The following SINHCAF variants were observed in gnomAD, a reference collection of about 807,000 sequenced individuals.
SINHCAF encodes the protein SIN3-HDAC complex-associated factor.
SINHCAF carries 3 observed loss-of-function variants against 25.8 expected under a neutral mutation model. That is an observed-to-expected ratio of 0.12 (90% CI 0.05 to 0.30). SINHCAF has a LOEUF of 0.30. SINHCAF is among the 10% of genes least tolerant of loss of function. The probability of loss-of-function intolerance (pLI) is 1.00; values close to 1 mark genes in which losing one functional copy is unlikely to be tolerated. For synonymous variants in SINHCAF, 70 were observed against 85.5 expected (o/e 0.82, Z 1.00); for missense variants, 121 against 262.3 (o/e 0.46, Z 3.72).
At chr12:31,306,247 G>C (rs1939021884) in intron 1 of SINHCAF, among the ~76,000 whole-genome samples, 1 of 152,134 alleles carries the variant, frequency 6.6e-6, no homozygotes, top group South Asian at 2.1e-4. Flanking sequence ...AAAAGGTCTA[G>C]GTAGAAAAAG....
At chr12:31,310,040 T>C (rs1939203719) in intron 1 of SINHCAF, among the ~76,000 whole-genome samples, 2 of 152,122 alleles carry the variant, frequency 1.3e-5, no homozygotes, top group Non-Finnish European at 1.5e-5. Flanking sequence ...CAGCAACATT[T>C]CCCACTTTAA....
At chr12:31,314,109 G>A (rs1374733100) in intron 1 of SINHCAF, among the ~76,000 whole-genome samples, 4 of 152,106 alleles carry the variant, frequency 2.6e-5, no homozygotes, top group Non-Finnish European at 4.4e-5. Flanking sequence ...AGGGTAGGTG[G>A]AAGGACAACA....
intron 1 of SINHCAF, among the ~76,000 whole-genome samples, chr12:31,302,500 G>T (rs753253062): frequency 3.3e-5 from 5 of 149,432 alleles, no homozygotes; most frequent in African/African-American, 5.0e-5. Flanking sequence ...AACCCAAATT[G>T]AGAGACCAAG....
At chr12:31,295,654 G>A (rs904673723) in intron 2 of SINHCAF, among the ~76,000 whole-genome samples, 10 of 152,272 alleles carry the variant, frequency 6.6e-5, no homozygotes, top group African/African-American at 2.4e-4. Flanking sequence ...TGGATCACTT[G>A]AGGTCAGGAG....
rs749338462 is a variant in SINHCAF at position 31,315,169 on chromosome 12, C to T, written c.-21+10855G>A. Among the ~76,000 whole-genome samples, 8 of 152,020 alleles carry T rather than the reference C, an allele frequency of 5.3e-5. No individual in the cohort carries two copies. The East Asian group carries it at 5.8e-4, about 11-fold the overall frequency. ...TATTTTTTAAACAGGAAAATATGTG[C>T]GGTATGGTGAAGCAATAGTTGAGAA... On this transcript the variant is annotated intron_variant, in intron 1 of 5. Coordinates refer to ENST00000337682, the MANE Select transcript of SINHCAF (RefSeq NM_001135812.2).
intron 1 of SINHCAF, chr12:31,303,767 T>C (rs1938903002): frequency 6.6e-6 from 1 of 152,246 alleles, no homozygotes; most frequent in African/African-American, 2.4e-5. Context: ...ACGTGTGAGA[T>C]GTGCCTCCCT....
intron 1 of SINHCAF, among the ~76,000 whole-genome samples, chr12:31,302,473 C>T (rs1938841182): frequency 6.9e-6 from 1 of 145,556 alleles, no homozygotes; most frequent in Non-Finnish European, 1.5e-5. Flanking sequence ...GGATGCCAGT[C>T]TCATACTAGC....
chr12:31,307,566 G>C (rs1358947751), intron 1 of SINHCAF, among the ~76,000 whole-genome samples: 1 of 152,004 alleles, frequency 6.6e-6, no homozygotes, highest in East Asian at 1.9e-4. Context: ...AAAAGAGAGA[G>C]AGAGAGAGAG....
At chr12:31,287,258 T>C (rs553377295) in intron 5 of SINHCAF, among the ~76,000 whole-genome samples, 1 of 152,344 alleles carries the variant, frequency 6.6e-6, no homozygotes, top group South Asian at 2.1e-4. Context: ...TACCTAAGTC[T>C]CTTTTCTCTT....
Position 31,324,743 on chromosome 12 carries a change from G to A in SINHCAF, c.-21+1281C>T, listed in dbSNP as rs1433018975. ...GGCCGGACACTGGACGATCACCCTGGGTAGGGGTCCGGACCCCGCGCCCCG... is the reference window on the plus strand; with the variant it reads ...GGCCGGACACTGGACGATCACCCTGAGTAGGGGTCCGGACCCCGCGCCCCG... On this transcript the variant is annotated intron_variant, in intron 1 of 5. Transcript: ENST00000337682. The surrounding 1 kb of genome is among the most constrained non-coding windows in gnomAD (Gnocchi z 5.5). The A allele has an allele frequency of 5.7e-6, 2 of 351,932 alleles. No individual in the cohort carries two copies. The highest frequency in any genetic ancestry group is 1.1e-5 in the Non-Finnish European group (2 of 176,546). 21.8% of individuals were successfully genotyped at this position (351,932 alleles called of 1,614,324 possible).
In SINHCAF at chr12:31,281,915, T is replaced by G. The variant is rs1161088568; in HGVS notation, c.*797A>C. 4 of 152,382 alleles carry G rather than the reference T, an allele frequency of 2.6e-5. No individual in the cohort carries two copies. The highest frequency in any genetic ancestry group is 5.9e-5 in the Non-Finnish European group (4 of 68,036). 9.4% of individuals were successfully genotyped at this position (152,382 alleles called of 1,614,324 possible). A position where few individuals can be genotyped will look rare whatever the true frequency, so the allele number is the denominator to read the frequency against. ...CTCCAAGGTATTTGCAACAGAAAGC[T>G]CAGTCTGTCCTGCTTAATAATCAGT... On this transcript the variant is annotated 3_prime_UTR_variant, in exon 6 of 6. Coordinates refer to ENST00000337682, the MANE Select transcript of SINHCAF (RefSeq NM_001135812.2).
chr12:31,297,730 C>T (rs1473951834), intron 2 of SINHCAF, among the ~76,000 whole-genome samples: 1 of 151,940 alleles, frequency 6.6e-6, no homozygotes, highest in African/African-American at 2.4e-5. Flanking sequence ...CTCGGCCTCC[C>T]AAAATGCTCT....
At chr12:31,316,672 C>T (rs890038355) in intron 1 of SINHCAF, among the ~76,000 whole-genome samples, 4 of 152,100 alleles carry the variant, frequency 2.6e-5, no homozygotes, top group African/African-American at 9.7e-5. Context: ...ATTAAAGACG[C>T]TATTTAAGAA....
In SINHCAF at chr12:31,324,102, A is replaced by G. The variant is rs1442276278; in HGVS notation, c.-21+1922T>C. 4.4e-6 allele frequency: 2 copies of G among 453,510 alleles called. No homozygotes were observed. Among genetic ancestry groups the G allele is most frequent in the African/African-American group, 4.0e-5 (2 of 49,902 alleles). The allele number at this position is 453,510 out of a possible 1,614,324, so 28.1% of individuals were successfully genotyped here. ...GGGGCCGCTCGCCGGGGCGAGGGCG[A>G]GGGCAGCGGGAGGTGAACCGCGTCG... is the stretch of plus-strand genomic sequence containing the variant. On this transcript the variant is annotated intron_variant, in intron 1 of 5. Coordinates refer to ENST00000337682, the MANE Select transcript of SINHCAF (RefSeq NM_001135812.2). This position sits in a 1 kb window ranked among gnomAD's most constrained non-coding sequence, Gnocchi z 5.5.
At chr12:31,314,809 G>T (rs1211331872) in intron 1 of SINHCAF, among the ~76,000 whole-genome samples, 1 of 152,162 alleles carries the variant, frequency 6.6e-6, no homozygotes, top group Non-Finnish European at 1.5e-5. Context: ...TCTGCATTTA[G>T]GCCATTGTGA....
chr12:31,325,118 C>T lies in SINHCAF; in HGVS notation c.-21+906G>A. 2.2e-6 allele frequency: 1 copy of T among 456,768 alleles called. No homozygotes were observed. Among genetic ancestry groups the T allele is most frequent in the Non-Finnish European group, 4.4e-6 (1 of 226,964 alleles). The allele number at this position is 456,768 out of a possible 1,614,324, so 28.3% of individuals were successfully genotyped here. On this transcript the variant is annotated intron_variant, in intron 1 of 5. Transcript: ENST00000337682. The surrounding 1 kb of genome is among the most constrained non-coding windows in gnomAD (Gnocchi z 5.9). ...CGCGGCGTACACAACGCCGCCGCCT[C>T]CATCTCCAGCCAAGTTGGCTTCCCT...
chr12:31,284,020 ACT>A (rs1937930043), intron 5 of SINHCAF, among the ~76,000 whole-genome samples: 1 of 151,758 alleles, frequency 6.6e-6, no homozygotes, highest in South Asian at 2.1e-4. Flanking sequence ...TTATTTATCT[ACT>A]CTTATTTTAA....
In SINHCAF at chr12:31,324,823, CAA is replaced by C. The variant is rs1345655454; in HGVS notation, c.-21+1199_-21+1200del. On this transcript the variant is annotated intron_variant, in intron 1 of 5. Transcript: ENST00000337682. The surrounding 1 kb of genome is among the most constrained non-coding windows in gnomAD (Gnocchi z 5.5). ...CCCCTCGGGAGCAGGCCCATTTAAT[CAA>C]AGTTTTGCAGTGTCCTTGATGAGAA... 2 of 374,292 alleles carry C rather than the reference CAA, an allele frequency of 5.3e-6. No individual in the cohort carries two copies. The highest frequency in any genetic ancestry group is 2.1e-5 in the African/African-American group (1 of 47,374). The allele number at this position is 374,292 out of a possible 1,614,324, so 23.2% of individuals were successfully genotyped here.
In SINHCAF at chr12:31,324,949, GC is replaced by G. The variant is rs1281816719; in HGVS notation, c.-21+1074del. 1.1e-5 allele frequency: 5 copies of G among 456,282 alleles called. No individual in the cohort carries two copies. Among genetic ancestry groups the G allele is most frequent in the Middle Eastern group, 3.2e-4 (1 of 3,098 alleles). The allele number at this position is 456,282 out of a possible 1,614,324, so 28.3% of individuals were successfully genotyped here. ...CATCATCAGCAAACCACATTGTCCT[GC>G]CGGCCGGACCTGCCCGACGGCGGCC... On this transcript the variant is annotated intron_variant, in intron 1 of 5. Transcript: ENST00000337682. The surrounding 1 kb of genome is among the most constrained non-coding windows in gnomAD (Gnocchi z 5.5).
Sources: allele counts gnomAD v4.1 joint callset (sites outside exome capture counted in the v4.1 genomes callset), GRCh38; gene constraint gnomAD v4.1.1; non-coding constraint Gnocchi (gnomAD v3.1); transcripts MANE v1.5; gene names NCBI Gene and HGNC (gene_info 2026-07-23, HGNC 2026-07-21).